Variants in PLCE1 observed in about 807,000 individuals in gnomAD.
The protein encoded by PLCE1 is 1-phosphatidylinositol 4,5-bisphosphate phosphodiesterase epsilon-1.
A neutral mutation model predicts 242.8 loss-of-function variants in PLCE1; 119 were observed. The ratio of observed to expected loss-of-function variants is 0.49; its 90% confidence interval spans 0.42 to 0.57. The LOEUF (loss-of-function observed/expected upper bound fraction) is 0.57, where lower values mean the gene tolerates loss of function less well. Ranked by LOEUF, PLCE1 falls within the 20% of genes least tolerant of loss-of-function variation. The pLI is 0.00. For synonymous variants in PLCE1, 945 were observed against 1,017.4 expected (o/e 0.93, Z 1.35); for missense variants, 2,441 against 2,788.8 (o/e 0.88, Z 2.81).
At chr10:94,072,073 C>G (rs901372140) in intron 2 of PLCE1, among the ~76,000 whole-genome samples, 2 of 152,130 alleles carry the variant, frequency 1.3e-5, no homozygotes, top group Non-Finnish European at 2.9e-5. Flanking sequence ...ATGGCTAAAA[C>G]TCTTTCTGAT....
At chr10:94,092,799 T>C (rs539285632) in intron 2 of PLCE1, among the ~76,000 whole-genome samples, 216 of 152,078 alleles carry the variant, frequency 1.4e-3, no homozygotes, top group African/African-American at 3.9e-3. Flanking sequence ...AAACTGACAT[T>C]AAAGCAAAAA....
chr10:94,157,830 G>C (rs2047482062), intron 3 of PLCE1, among the ~76,000 whole-genome samples: 2 of 152,118 alleles, frequency 1.3e-5, no homozygotes, highest in South Asian at 4.2e-4. Context: ...AGTGTAGGCT[G>C]GTGATTTCAA....
chr10:94,158,821 G>A (rs1301883387), intron 3 of PLCE1, among the ~76,000 whole-genome samples: 1 of 148,988 alleles, frequency 6.7e-6, no homozygotes, highest in African/African-American at 2.4e-5. Context: ...CTCTGGGTAT[G>A]AGATTATTAT....
intron 2 of PLCE1, among the ~76,000 whole-genome samples, chr10:94,090,814 C>G (rs2045038159): frequency 1.3e-5 from 2 of 152,136 alleles, no homozygotes; most frequent in Admixed American, 6.5e-5. Flanking sequence ...TTACTTTAAT[C>G]TAGCATTTTA....
chr10:94,277,932 G>A (rs958826559), intron 19 of PLCE1, among the ~76,000 whole-genome samples: 3 of 152,066 alleles, frequency 2.0e-5, no homozygotes, highest in African/African-American at 7.2e-5. Context: ...CTGCTTCCAG[G>A]CATTCAGTGT....
chr10:94,209,566 G>T (rs1028581233), intron 4 of PLCE1, among the ~76,000 whole-genome samples: 2 of 152,132 alleles, frequency 1.3e-5, no homozygotes, highest in Admixed American at 1.3e-4. Context: ...TTCCAGAAAA[G>T]ATATAAAAGC....
At chr10:94,217,006 G>T (rs2049551893) in intron 4 of PLCE1, among the ~76,000 whole-genome samples, 1 of 147,886 alleles carries the variant, frequency 6.8e-6, no homozygotes, top group Non-Finnish European at 1.5e-5. Context: ...AGACTCAACA[G>T]TAAATTAGCA....
intron 1 of PLCE1, among the ~76,000 whole-genome samples, chr10:94,013,387 C>G (rs528613372): frequency 6.6e-6 from 1 of 152,142 alleles, no homozygotes; most frequent in African/African-American, 2.4e-5. Context: ...TGTGAACTGC[C>G]CCCCTCCCTG....
chr10:94,260,758 G>T (rs1392503209), intron 13 of PLCE1, among the ~76,000 whole-genome samples: 1 of 151,874 alleles, frequency 6.6e-6, no homozygotes, highest in Admixed American at 6.6e-5. Flanking sequence ...CAAACTCCTA[G>T]CCTCAAGCAA....
At chr10:94,167,686 C>T (rs1302270771) in intron 3 of PLCE1, among the ~76,000 whole-genome samples, 4 of 121,340 alleles carry the variant, frequency 3.3e-5, no homozygotes, top group Admixed American at 1.0e-4. Flanking sequence ...CACCCCACAA[C>T]AGTCCCCGGT....
At chr10:94,179,482 T>G (rs2048225253) in intron 4 of PLCE1, among the ~76,000 whole-genome samples, 1 of 151,142 alleles carries the variant, frequency 6.6e-6, no homozygotes, top group Non-Finnish European at 1.5e-5. Flanking sequence ...ACCTAACCCT[T>G]CATCTTTATC....
At chr10:94,198,477 T>A (rs982228564) in intron 4 of PLCE1, among the ~76,000 whole-genome samples, 1 of 152,252 alleles carries the variant, frequency 6.6e-6, no homozygotes, top group African/African-American at 2.4e-5. Flanking sequence ...AGAATTTGCC[T>A]TTTGGCATGC....
At chr10:94,301,108 G>A (rs186288774) in intron 24 of PLCE1, among the ~76,000 whole-genome samples, 1 of 152,136 alleles carries the variant, frequency 6.6e-6, no homozygotes, top group Non-Finnish European at 1.5e-5. Flanking sequence ...ACTTTGGGAG[G>A]CCAAGGTAGA....
At chr10:94,277,810 C>A (rs1009482658) in intron 19 of PLCE1, among the ~76,000 whole-genome samples, 2 of 152,160 alleles carry the variant, frequency 1.3e-5, no homozygotes, top group African/African-American at 2.4e-5. Flanking sequence ...GTTAAGTAAG[C>A]ATGGGAAATG....
chr10:94,192,927 C>A (rs2048714225), intron 4 of PLCE1, among the ~76,000 whole-genome samples: 1 of 152,162 alleles, frequency 6.6e-6, no homozygotes, highest in African/African-American at 2.4e-5. Flanking sequence ...TAAAAGGATA[C>A]TATTTTGCGA....
At chr10:94,230,016 A>G (rs1377313842) in intron 5 of PLCE1, among the ~76,000 whole-genome samples, 1 of 151,994 alleles carries the variant, frequency 6.6e-6, no homozygotes, top group Non-Finnish European at 1.5e-5. Flanking sequence ...GTTCCAAGCA[A>G]TTAACTATTA....
At chr10:94,316,932 C>CT (rs2053596214) in intron 29 of PLCE1, among the ~76,000 whole-genome samples, 176 bp downstream of exon 29, 1 of 152,196 alleles carries the variant, frequency 6.6e-6, no homozygotes, top group Non-Finnish European at 1.5e-5. Context: ...AATATTATCT[C>CT]TAAGGTACAG....
intron 13 of PLCE1, among the ~76,000 whole-genome samples, chr10:94,259,632 T>G (rs1248698413): frequency 6.6e-6 from 1 of 152,174 alleles, no homozygotes; most frequent in Non-Finnish European, 1.5e-5. Context: ...AGGGAGCAGG[T>G]GCTACTGGCA....
At chr10:94,124,569 A>G (rs925810778) in intron 2 of PLCE1, among the ~76,000 whole-genome samples, 6 of 152,128 alleles carry the variant, frequency 3.9e-5, no homozygotes, top group Non-Finnish European at 4.4e-5. Context: ...GTATCACACA[A>G]TTACACAGTA....
Sources: allele counts gnomAD v4.1 joint callset (sites outside exome capture counted in the v4.1 genomes callset), GRCh38; gene constraint gnomAD v4.1.1; transcripts MANE v1.5; gene names NCBI Gene and HGNC (gene_info 2026-07-23, HGNC 2026-07-21).